Variants in RAPGEF5 observed in about 807,000 individuals in gnomAD.
RAPGEF5 encodes the protein M-Ras-regulated GEF.
RAPGEF5 carries 65 observed loss-of-function variants against 125.2 expected under a neutral mutation model. That is an observed-to-expected ratio of 0.52 (90% CI 0.43 to 0.64). RAPGEF5 has a LOEUF of 0.64. Ranked by LOEUF, RAPGEF5 falls within the 30% of genes least tolerant of loss-of-function variation. RAPGEF5 has a pLI of 0.00. For missense variants in RAPGEF5, 958 were observed against 1,048.1 expected (o/e 0.91, Z 1.19); for synonymous variants, 391 against 385.9 (o/e 1.01, Z -0.16).
intron 7 of RAPGEF5, among the ~76,000 whole-genome samples, chr7:22,240,546 T>C (rs546183338): frequency 3.9e-5 from 6 of 152,184 alleles, no homozygotes; most frequent in Admixed American, 2.0e-4. Context: ...TAATTTTTTG[T>C]ATTTTTAGTA....
chr7:22,295,973 T>A (rs1005793327), intron 5 of RAPGEF5, among the ~76,000 whole-genome samples: 2 of 151,964 alleles, frequency 1.3e-5, no homozygotes, highest in African/African-American at 4.8e-5. Context: ...ATGTTGCTAA[T>A]AAACATCAGG....
intron 25 of RAPGEF5, among the ~76,000 whole-genome samples, chr7:22,123,931 T>C (rs961833398): frequency 1.3e-5 from 2 of 152,286 alleles, no homozygotes; most frequent in African/African-American, 2.4e-5. Context: ...AACATTTTCA[T>C]ATTTTATCCC....
chr7:22,262,562 T>C (rs1326403549), intron 7 of RAPGEF5, among the ~76,000 whole-genome samples: 1 of 152,196 alleles, frequency 6.6e-6, no homozygotes, highest in East Asian at 1.9e-4. Context: ...AACACAGCAA[T>C]TGTACTCCTG....
At position 22,136,079 on chromosome 7, in the gene RAPGEF5, A is replaced by T. The variant is rs1318905067; in HGVS notation, c.2375T>A (p.Met792Lys). 3.1e-6 allele frequency: 5 copies of T among 1,612,794 alleles called. No homozygotes were observed. The highest frequency in any genetic ancestry group is 4.2e-6 in the Non-Finnish European group (5 of 1,179,272). The change falls in exon 23 of 26, where the codon ATG (methionine) becomes AAG (lysine). Residue 792 changes from methionine (M) to lysine (K), a missense_variant. Transcript: ENST00000665637. Reference sequence around the variant, plus strand: ...CATGAAAGGGATTTTTGGTGGCTTCATCTTTTTGAATGCATCTCTGTAGGC... The same window carrying T: ...CATGAAAGGGATTTTTGGTGGCTTCTTCTTTTTGAATGCATCTCTGTAGGC... ...HKAYRDAFKK[M>K]KPPKIPFMPL...
intron 5 of RAPGEF5, among the ~76,000 whole-genome samples, chr7:22,300,266 GT>G (rs934406197): frequency 4.6e-5 from 7 of 151,998 alleles, no homozygotes; most frequent in African/African-American, 1.4e-4. Context: ...TTTCAAGTAT[GT>G]TTTTCAGTTC....
intron 6 of RAPGEF5, among the ~76,000 whole-genome samples, chr7:22,280,074 A>G (rs1782640641): frequency 6.6e-6 from 1 of 152,220 alleles, no homozygotes; most frequent in South Asian, 2.1e-4. Context: ...GAAGGAAGCC[A>G]GAGGCTGGAG....
At chr7:22,230,702 C>T (rs1265718522) in intron 8 of RAPGEF5, 144 bp downstream of exon 8, 1 of 706,066 alleles carries the variant, frequency 1.4e-6, no homozygotes, top group Non-Finnish European at 2.3e-6. Context: ...ACCTTTATAT[C>T]AAAACTGAGC....
chr7:22,330,735 C>T (rs770098174), intron 1 of RAPGEF5, among the ~76,000 whole-genome samples: 1 of 152,166 alleles, frequency 6.6e-6, no homozygotes, highest in Non-Finnish European at 1.5e-5. Context: ...CATGTCTATA[C>T]GCAACCAGGT....
intron 7 of RAPGEF5, among the ~76,000 whole-genome samples, chr7:22,260,107 A>G (rs1782113770): frequency 6.6e-6 from 1 of 152,160 alleles, no homozygotes; most frequent in Admixed American, 6.5e-5. Context: ...AAAAAAATTA[A>G]TGGTTGTAGT....
At chr7:22,289,524 T>C (rs983979176) in intron 6 of RAPGEF5, among the ~76,000 whole-genome samples, 2 of 152,274 alleles carry the variant, frequency 1.3e-5, no homozygotes, top group Non-Finnish European at 2.9e-5. Flanking sequence ...ACACAACGTT[T>C]AACACAGTTT....
chr7:22,231,867 G>A (rs1208894044), intron 7 of RAPGEF5, among the ~76,000 whole-genome samples: 1 of 152,168 alleles, frequency 6.6e-6, no homozygotes, highest in Admixed American at 6.5e-5. Context: ...CTAAGAACAC[G>A]GGGAACCACG....
chr7:22,190,512 T>C (rs1182056866), intron 11 of RAPGEF5, among the ~76,000 whole-genome samples: 2 of 152,224 alleles, frequency 1.3e-5, no homozygotes, highest in Non-Finnish European at 2.9e-5. Context: ...TAGAATACTA[T>C]ATGAATTTAG....
intron 6 of RAPGEF5, among the ~76,000 whole-genome samples, chr7:22,283,046 T>TACAC (rs71550469): frequency 0.25 from 37,567 of 148,296 alleles, 5,524 homozygotes; most frequent in African/African-American, 0.42. Context: ...TGTAAAAAAA[T>TACAC]ACACACACAC....
At chr7:22,319,876 G>T (rs547489383) in intron 1 of RAPGEF5, among the ~76,000 whole-genome samples, 1 of 151,938 alleles carries the variant, frequency 6.6e-6, no homozygotes, top group Non-Finnish European at 1.5e-5. Flanking sequence ...GTGGGCAGGG[G>T]CATTTTCACA....
intron 6 of RAPGEF5, among the ~76,000 whole-genome samples, chr7:22,275,016 G>A (rs1191702518): frequency 6.6e-6 from 1 of 152,000 alleles, no homozygotes; most frequent in African/African-American, 2.4e-5. Context: ...ATTAAAATAT[G>A]GCATTTGCTA....
chr7:22,236,112 T>C (rs1220375804), intron 7 of RAPGEF5, among the ~76,000 whole-genome samples: 1 of 152,174 alleles, frequency 6.6e-6, no homozygotes, highest in Non-Finnish European at 1.5e-5. Flanking sequence ...AACCCCAATC[T>C]GTTCAGCTGA....
At chr7:22,326,553 G>A (rs553484187) in intron 1 of RAPGEF5, among the ~76,000 whole-genome samples, 3 of 152,218 alleles carry the variant, frequency 2.0e-5, no homozygotes, top group African/African-American at 7.2e-5. Context: ...TAATCTCCCA[G>A]GCAATATATT....
At chr7:22,124,806 G>C (rs1782686088) in intron 25 of RAPGEF5, among the ~76,000 whole-genome samples, 1 of 152,170 alleles carries the variant, frequency 6.6e-6, no homozygotes, top group African/African-American at 2.4e-5. Flanking sequence ...GAGGGCAAAA[G>C]AGAGGGCGAG....
At chr7:22,347,835 A>AT (rs1784252291) in intron 1 of RAPGEF5, among the ~76,000 whole-genome samples, 1 of 152,202 alleles carries the variant, frequency 6.6e-6, no homozygotes, top group African/African-American at 2.4e-5. Context: ...GATATGATAA[A>AT]TGTTATATTA....
Sources: allele counts gnomAD v4.1 joint callset (sites outside exome capture counted in the v4.1 genomes callset), GRCh38; gene constraint gnomAD v4.1.1; transcripts MANE v1.5; gene names NCBI Gene and HGNC (gene_info 2026-07-23, HGNC 2026-07-21).